The following TIPRL variants were observed in gnomAD, a reference collection of about 807,000 sequenced individuals.
TIPRL encodes TIP41-like protein.
Under a neutral mutation model 32.3 loss-of-function variants are expected in TIPRL, and 10 were observed. That is an observed-to-expected ratio of 0.31 (90% confidence interval 0.19 to 0.52). TIPRL has a LOEUF of 0.52. Among genes scored for constraint, TIPRL ranks in the 20% least tolerant of loss-of-function variants. The pLI is 0.96. For missense variants in TIPRL, 250 were observed against 328.1 expected, an observed-to-expected ratio of 0.76 and a Z score of 1.84; for synonymous variants, 100 against 114.0, an observed-to-expected ratio of 0.88 and a Z score of 0.78.
intron 1 of TIPRL, 24 bp downstream of exon 1, chr1:168,179,205 T>C (rs780816597): frequency 1.2e-6 from 2 of 1,610,534 alleles, no homozygotes; most frequent in Admixed American, 1.7e-5. Context: ...GCACGGGGTC[T>C]GGGCGCTGGC....
At chr1:168,193,238 C>T (rs1282883209) in intron 4 of TIPRL, among the ~76,000 whole-genome samples, 3 of 151,554 alleles carry the variant, frequency 2.0e-5, no homozygotes, top group Non-Finnish European at 4.4e-5. Flanking sequence ...TTAGTTTTTT[C>T]GGTGGAATCA....
At chr1:168,185,847 T>C (rs910726079) in intron 3 of TIPRL, among the ~76,000 whole-genome samples, 5 of 136,008 alleles carry the variant, frequency 3.7e-5, no homozygotes, top group African/African-American at 1.4e-4. Flanking sequence ...GAGGCCAAAG[T>C]GGGTGGATCA....
Position 168,201,247 on chromosome 1 carries a change from CA to C in TIPRL, c.*1202del, listed in dbSNP as rs1214081325. 6.6e-6 allele frequency: 1 copy of C among 151,980 alleles called. No individual in the cohort carries two copies. The highest frequency in any genetic ancestry group is 1.5e-5 in the Non-Finnish European group (1 of 67,948). The allele number at this position is 151,980 out of a possible 1,614,324, so 9.4% of individuals were successfully genotyped here. ...TTTTTAAAAATATTTTTTTGAAGGG[CA>C]GGGGGAAAATTCACCCCTTTTCTGA... On this transcript the variant is annotated 3_prime_UTR_variant, in exon 7 of 7. Coordinates refer to ENST00000367833, the MANE Select transcript of TIPRL (RefSeq NM_152902.5).
chr1:168,188,239 C>G (rs1182108043), intron 3 of TIPRL, among the ~76,000 whole-genome samples: 1 of 152,052 alleles, frequency 6.6e-6, no homozygotes, highest in African/African-American at 2.4e-5. Context: ...TCTTTATTTT[C>G]ATTTCAGTTC....
chr1:168,180,417 G>A (rs764341651), intron 1 of TIPRL, among the ~76,000 whole-genome samples: 6 of 152,118 alleles, frequency 3.9e-5, no homozygotes, highest in Non-Finnish European at 7.4e-5. Context: ...AAGTGAAGAT[G>A]TGTAGTAGGC....
intron 1 of TIPRL, among the ~76,000 whole-genome samples, chr1:168,179,683 GGAGTGATGTGA>G (rs150790766): frequency 2.5e-3 from 377 of 152,274 alleles, no homozygotes; most frequent in African/African-American, 8.4e-3. Flanking sequence ...ATGTATACAC[GGAGTGATGTGA>G]GGTCTTTTAG....
In TIPRL at chr1:168,192,493, G is replaced by A. The variant is rs1308332065; in HGVS notation, c.516+993G>A. On this transcript the variant is annotated intron_variant, in intron 4 of 6. Transcript: ENST00000367833. ...ACTCAACTGAAACTTTTTACTAAAT[G>A]CCTCATTCTTTAAGACCCAAAGACC... 5 of 858,902 alleles carry A rather than the reference G, an allele frequency of 5.8e-6. No individual in the cohort carries two copies. In the African/African-American group the frequency reaches 9.1e-5, roughly 16 times the overall value. 53.2% of individuals were successfully genotyped at this position (858,902 alleles called of 1,614,324 possible). A position where few individuals can be genotyped will look rare whatever the true frequency, so the allele number is the denominator to read the frequency against.
At chr1:168,186,678 T>C (rs1264130249) in intron 3 of TIPRL, among the ~76,000 whole-genome samples, 1 of 151,906 alleles carries the variant, frequency 6.6e-6, no homozygotes. Context: ...TCCCAGCACT[T>C]TGGGAGGCCG....
At chr1:168,184,754 G>T in intron 2 of TIPRL, 25 bp from the exon 3 acceptor site, 2 of 1,457,660 alleles carry the variant, frequency 1.4e-6, no homozygotes, top group South Asian at 1.2e-5. Flanking sequence ...CACTGAATCT[G>T]ATCCTTCTCA....
At chr1:168,196,414 A>T in intron 4 of TIPRL, 133 bp from the exon 5 acceptor site, 1 of 533,696 alleles carries the variant, frequency 1.9e-6, no homozygotes, top group Non-Finnish European at 3.0e-6. Flanking sequence ...TAGTTGAGAG[A>T]TTTTTATAAA....
intron 4 of TIPRL, chr1:168,192,060 C>A: frequency 2.1e-6 from 2 of 939,582 alleles, no homozygotes; most frequent in East Asian, 4.6e-5. Context: ...TATTATTTAA[C>A]TCTAATGAAG....
intron 5 of TIPRL, among the ~76,000 whole-genome samples, chr1:168,197,690 G>T (rs4412574): frequency 0.48 from 72,014 of 151,350 alleles, 20,221 homozygotes; most frequent in African/African-American, 0.78. Context: ...TGGCAATTTT[G>T]TTGTTGTTGT....
At chr1:168,198,864 G>C in intron 5 of TIPRL, 55 bp from the exon 6 acceptor site, 1 of 1,474,772 alleles carries the variant, frequency 6.8e-7, no homozygotes, top group South Asian at 1.2e-5. Flanking sequence ...TAATACAAAG[G>C]ATTTTGTAAA....
rs1230868045 is a variant in TIPRL at position 168,201,548 on chromosome 1, C to T, written c.*1502C>T. On this transcript the variant is annotated 3_prime_UTR_variant, in exon 7 of 7. Coordinates refer to ENST00000367833, the MANE Select transcript of TIPRL (RefSeq NM_152902.5). Reference sequence around the variant, plus strand: ...CAGGATTTTGTTGGCTTTAAGAAAACACATGGTATGTTCACTGTATATTAA... The same window carrying T: ...CAGGATTTTGTTGGCTTTAAGAAAATACATGGTATGTTCACTGTATATTAA... 2.6e-5 allele frequency: 4 copies of T among 151,932 alleles called. No homozygotes were observed. The highest frequency in any genetic ancestry group is 5.9e-5 in the Non-Finnish European group (4 of 67,928). 9.4% of individuals were successfully genotyped at this position (151,932 alleles called of 1,614,324 possible). A position where few individuals can be genotyped will look rare whatever the true frequency, so the allele number is the denominator to read the frequency against.
At position 168,199,971 on chromosome 1, in the gene TIPRL, T is replaced by A. The variant is rs1487927976; in HGVS notation, c.744T>A (p.Val248=). ...AGTATTTACCAATAAAGGAAGCAGT[T>A]TGTGAGAAGCTAATATTTCCAGAAA... ...ISQYLPIKEA[V]CEKLIFPERI... The change falls in exon 7 of 7, where the codon GTT becomes GTA. Residue 248 remains valine (V), a synonymous_variant. Coordinates refer to ENST00000367833, the MANE Select transcript of TIPRL (RefSeq NM_152902.5). 1 of 1,613,568 alleles carries A rather than the reference T, an allele frequency of 6.2e-7. No homozygotes were observed. The highest frequency in any genetic ancestry group is 1.3e-5 in the African/African-American group (1 of 74,908).
chr1:168,179,425 T>C (rs966948391), intron 1 of TIPRL, among the ~76,000 whole-genome samples: 2 of 152,024 alleles, frequency 1.3e-5, no homozygotes, highest in Non-Finnish European at 2.9e-5. Flanking sequence ...AGTGTGACTG[T>C]TCTGGTGGAC....
rs1700200325 is a variant in TIPRL, at chr1:168,200,715, AG to A, written c.*671del. On this transcript the variant is annotated 3_prime_UTR_variant, in exon 7 of 7. Coordinates refer to ENST00000367833, the MANE Select transcript of TIPRL (RefSeq NM_152902.5). ...ATATGGTTTACCACTGTGTGTGTGT[AG>A]GATGTTAGAATTATCTGTCCTCCAT... is the stretch of plus-strand genomic sequence containing the variant. The A allele has an allele frequency of 6.6e-6, 1 of 152,190 alleles. No individual in the cohort carries two copies. The highest frequency in any genetic ancestry group is 2.4e-5 in the African/African-American group (1 of 41,534). 9.4% of individuals were successfully genotyped at this position (152,190 alleles called of 1,614,324 possible). A position where few individuals can be genotyped will look rare whatever the true frequency, so the allele number is the denominator to read the frequency against.
chr1:168,186,323 G>A (rs765564102), intron 3 of TIPRL, among the ~76,000 whole-genome samples: 3 of 151,484 alleles, frequency 2.0e-5, no homozygotes, highest in East Asian at 2.0e-4. Context: ...TAGTGAGACC[G>A]CACCTCTACT....
At chr1:168,183,799 G>A in intron 1 of TIPRL, 103 bp from the exon 2 acceptor site, 2 of 1,189,004 alleles carry the variant, frequency 1.7e-6, no homozygotes, top group South Asian at 1.4e-5. Flanking sequence ...CATGTGCTGT[G>A]TAACTCATTC....
Sources: allele counts gnomAD v4.1 joint callset (sites outside exome capture counted in the v4.1 genomes callset), GRCh38; gene constraint gnomAD v4.1.1; transcripts MANE v1.5; gene names NCBI Gene and HGNC (gene_info 2026-07-23, HGNC 2026-07-21).